DAB1: variants seen among roughly 807,000 people sequenced by gnomAD.
The protein encoded by DAB1 is DAB adaptor protein 1.
DAB1 carries 15 observed loss-of-function variants against 64.6 expected under a neutral mutation model. The ratio of observed to expected loss-of-function variants is 0.23; its 90% CI spans 0.16 to 0.36. DAB1 has a LOEUF of 0.36. Ranked by LOEUF, DAB1 falls within the 10% of genes least tolerant of loss-of-function variation. DAB1 has a pLI of 1.00. For missense variants in DAB1, 596 were observed against 706.7 expected, an observed-to-expected ratio of 0.84 and a Z score of 1.78; for synonymous variants, 235 against 251.9, an observed-to-expected ratio of 0.93 and a Z score of 0.64.
chr1:57,260,996 G>T (rs373829327), intron 2 of DAB1, among the ~76,000 whole-genome samples: 5 of 152,120 alleles, frequency 3.3e-5, no homozygotes, highest in South Asian at 2.1e-4. Flanking sequence ...TTTATCTCCC[G>T]CATTTAATGA....
intron 14 of DAB1, among the ~76,000 whole-genome samples, chr1:57,008,053 G>A (rs1249118679): frequency 1.3e-5 from 2 of 152,166 alleles, no homozygotes; most frequent in African/African-American, 4.8e-5. Context: ...CTGTGAAGTG[G>A]CCAGGCTAAG....
intron 6 of DAB1, among the ~76,000 whole-genome samples, chr1:57,710,657 G>A (rs139394256): frequency 1.3e-5 from 2 of 151,990 alleles, no homozygotes; most frequent in East Asian, 1.9e-4. Flanking sequence ...TTTGGGGGGG[G>A]GAGGTTAATT....
intron 1 of DAB1, among the ~76,000 whole-genome samples, chr1:57,874,768 G>A (rs1335027762): frequency 2.0e-5 from 3 of 152,060 alleles, no homozygotes; most frequent in Non-Finnish European, 2.9e-5. Context: ...TTCAAACAAG[G>A]TTAAAACAGA....
intron 7 of DAB1, among the ~76,000 whole-genome samples, chr1:57,625,437 C>G (rs1234104089): frequency 6.6e-6 from 1 of 152,184 alleles, no homozygotes; most frequent in African/African-American, 2.4e-5. Flanking sequence ...AAGGCCATGG[C>G]TCCATTTCTG....
intron 6 of DAB1, among the ~76,000 whole-genome samples, chr1:57,678,759 C>CTAT (rs1553207643): frequency 1.1e-5 from 1 of 89,130 alleles, no homozygotes. Flanking sequence ...AGTGAGGCAA[C>CTAT]TGTTTTTTGT....
chr1:57,940,261 A>C (rs532205312), intron 5 of DAB1, among the ~76,000 whole-genome samples: 1 of 152,332 alleles, frequency 6.6e-6, no homozygotes, highest in Admixed American at 6.5e-5. Flanking sequence ...GTATATTGAC[A>C]ACAAATAATG....
chr1:57,767,068 A>T (rs994227207), intron 6 of DAB1, among the ~76,000 whole-genome samples: 3 of 151,962 alleles, frequency 2.0e-5, no homozygotes, highest in Non-Finnish European at 4.4e-5. Context: ...TAACCTGGGA[A>T]CTCTTTGAAC....
chr1:57,549,855 G>T (rs1258995303), intron 7 of DAB1, among the ~76,000 whole-genome samples: 1 of 152,142 alleles, frequency 6.6e-6, no homozygotes, highest in Admixed American at 6.6e-5. Context: ...ATTTTTGAGG[G>T]ATGGTTCTAA....
Position 57,259,468 on chromosome 1 carries a change from G to C in DAB1, c.67+31496C>G, listed in dbSNP as rs371619081. 6.1e-4 allele frequency among the ~76,000 whole-genome samples: 93 copies of C among 152,272 alleles called. 1 individual carries two copies. In the South Asian group the frequency reaches 0.017, roughly 28 times the overall value. On this transcript the variant is annotated intron_variant, in intron 2 of 14. Coordinates refer to ENST00000371236, the MANE Select transcript of DAB1 (RefSeq NM_001365792.1). ...GAACTAAGTCTTAACCATCAAGTAG[G>C]AGCTGGTCTTGAGAGAGGAAGAAGA...
chr1:57,632,305 T>C (rs11207079), intron 7 of DAB1, among the ~76,000 whole-genome samples: 67,511 of 152,104 alleles, frequency 0.44, 17,128 homozygotes, highest in East Asian at 0.69. Flanking sequence ...TAAATTAAAG[T>C]GTTATTAGAA....
At chr1:57,287,149 G>A (rs1370058306) in intron 2 of DAB1, among the ~76,000 whole-genome samples, 2 of 152,208 alleles carry the variant, frequency 1.3e-5, no homozygotes, top group Admixed American at 6.5e-5. Context: ...TTGGCACACT[G>A]CAAACTCCAA....
At chr1:57,724,263 G>C in intron 6 of DAB1, among the ~76,000 whole-genome samples, 1 of 137,816 alleles carries the variant, frequency 7.3e-6, no homozygotes, top group Non-Finnish European at 1.6e-5. Context: ...AGGGAGGGAG[G>C]GAAAAAGGAA....
rs1364143500 is a variant in DAB1, at chr1:57,619,798, C to A, written n.625+29794G>T. ...GCAGGGACAATCCTTCTTTGTCCAA[C>A]TGCCAAGCTTCATCCTGGGAAAATG... On this transcript the variant is annotated intron_variant and non_coding_transcript_variant, in intron 7 of 20. Coordinates refer to the DAB1 transcript ENST00000485760. 3.3e-5 allele frequency among the ~76,000 whole-genome samples: 5 copies of A among 152,102 alleles called. No homozygotes were observed. In the East Asian group the frequency reaches 9.6e-4, roughly 29 times the overall value.
chr1:58,512,639 C>T (rs1646097548), intron 2 of DAB1, among the ~76,000 whole-genome samples: 1 of 152,102 alleles, frequency 6.6e-6, no homozygotes, highest in African/African-American at 2.4e-5. Context: ...TGAAATAAGC[C>T]AGTCACAAAT....
chr1:57,349,672 G>GAA (rs367564735), intron 1 of DAB1, among the ~76,000 whole-genome samples: 74 of 152,244 alleles, frequency 4.9e-4, no homozygotes, highest in African/African-American at 1.8e-3. Flanking sequence ...CACCTTCAAG[G>GAA]AAAAAGCAGC....
intron 1 of DAB1, among the ~76,000 whole-genome samples, chr1:57,313,144 A>G (rs1298083616): frequency 6.6e-6 from 1 of 152,170 alleles, no homozygotes; most frequent in African/African-American, 2.4e-5. Flanking sequence ...AATGATGCTG[A>G]GGCTGAAAGC....
At chr1:57,457,150 A>G (rs979123390) in intron 7 of DAB1, among the ~76,000 whole-genome samples, 2 of 152,148 alleles carry the variant, frequency 1.3e-5, no homozygotes, top group African/African-American at 4.8e-5. Flanking sequence ...TCTACACTTC[A>G]TCTTATCAGA....
intron 6 of DAB1, among the ~76,000 whole-genome samples, chr1:57,815,956 T>C (rs1651837453): frequency 6.6e-6 from 1 of 152,204 alleles, no homozygotes; most frequent in African/African-American, 2.4e-5. Context: ...AATAAATATT[T>C]CTCAAACAAA....
intron 4 of DAB1, among the ~76,000 whole-genome samples, chr1:58,284,208 A>C (rs1406213356): frequency 6.6e-6 from 1 of 152,138 alleles, no homozygotes; most frequent in Non-Finnish European, 1.5e-5. Flanking sequence ...AATTTGGCTA[A>C]AATTCTGGTA....
Sources: gnomAD v4.1 joint callset for allele counts (sites outside exome capture counted in the v4.1 genomes callset) on GRCh38, gnomAD v4.1.1 for gene constraint, MANE v1.5 for transcripts, NCBI Gene and HGNC (gene_info 2026-07-23, HGNC 2026-07-21) for gene names.